LRRC49: variants seen among roughly 807,000 people sequenced by gnomAD.
LRRC49 encodes leucine-rich repeat-containing protein 49.
A neutral mutation model predicts 83.3 loss-of-function variants in LRRC49; 50 were observed. The ratio of observed to expected loss-of-function variants is 0.60; its 90% CI spans 0.48 to 0.76. LRRC49 has a LOEUF of 0.76. Ranked by LOEUF, LRRC49 falls within the 30% of genes least tolerant of loss-of-function variation. LRRC49 has a pLI of 0.00. For synonymous variants in LRRC49, 286 were observed against 283.3 expected, an observed-to-expected ratio of 1.01 and a Z score of -0.10; for missense variants, 704 against 809.1, an observed-to-expected ratio of 0.87 and a Z score of 1.58.
chr15:70,948,928 C>T (rs1454462063), intron 8 of LRRC49, among the ~76,000 whole-genome samples: 1 of 152,102 alleles, frequency 6.6e-6, no homozygotes, highest in African/African-American at 2.4e-5. Context: ...GCCAGTTGGT[C>T]TCTGTTTCAA....
In LRRC49 at chr15:70,904,556, A is replaced by C. The variant is rs1277164380; in HGVS notation, c.301A>C (p.Lys101Gln). Residue 101 changes from lysine to glutamine, a missense_variant, in exon 5 of 16, where the codon AAG becomes CAG. Physicochemically the swap from Lys to Gln is moderately conservative, Grantham distance 53 (BLOSUM62 1). Transcript: ENST00000260382. The stretch of plus-strand genomic sequence containing the variant: ...ACTTTTTAACATTTTTTCTAGACAA[A>C]AGCTGACCGTATGTCCTATCATCAA... ...YSDRLSLERQ[K>Q]LTVCPIINGE... is the part of the protein sequence containing the mutation. 2.5e-6 allele frequency: 4 copies of C among 1,610,448 alleles called. No homozygotes were observed. The South Asian group carries it at 4.4e-5, about 18-fold the overall frequency.
At chr15:70,903,504 A>G (rs554676445) in intron 4 of LRRC49, among the ~76,000 whole-genome samples, 2 of 152,116 alleles carry the variant, frequency 1.3e-5, no homozygotes, top group Non-Finnish European at 2.9e-5. Context: ...AGCCATTAAC[A>G]TTCAGTTATT....
At chr15:70,950,150 TTA>T (rs2036165929) in intron 8 of LRRC49, among the ~76,000 whole-genome samples, 1 of 152,206 alleles carries the variant, frequency 6.6e-6, no homozygotes, top group Non-Finnish European at 1.5e-5. Flanking sequence ...TCATTATTTT[TTA>T]TGTCTGTGTA....
chr15:70,987,859 G>A (rs1386142266), intron 11 of LRRC49, among the ~76,000 whole-genome samples: 1 of 152,136 alleles, frequency 6.6e-6, no homozygotes, highest in Non-Finnish European at 1.5e-5. Context: ...TGGTTTCAAA[G>A]AACATCTTTA....
intron 8 of LRRC49, among the ~76,000 whole-genome samples, chr15:70,955,212 G>C (rs984135299): frequency 1.3e-5 from 2 of 152,122 alleles, no homozygotes; most frequent in Admixed American, 6.5e-5. Flanking sequence ...TATTTTTACT[G>C]TTATTTTAGA....
At chr15:70,914,530 ATGG>A (rs1443416384) in intron 6 of LRRC49, among the ~76,000 whole-genome samples, 1 of 152,184 alleles carries the variant, frequency 6.6e-6, no homozygotes, top group Non-Finnish European at 1.5e-5. Context: ...GCGAGAAGTG[ATGG>A]TGGCATGAAC....
intron 2 of LRRC49, among the ~76,000 whole-genome samples, chr15:70,876,919 C>G (rs531585693): frequency 1.4e-4 from 22 of 152,318 alleles, no homozygotes; most frequent in African/African-American, 4.8e-4. Flanking sequence ...AAAGGCCATT[C>G]CGCTTGTTCT....
chr15:70,953,998 G>A (rs533351323), intron 8 of LRRC49, among the ~76,000 whole-genome samples: 66 of 152,040 alleles, frequency 4.3e-4, no homozygotes, highest in Middle Eastern at 3.4e-3. Context: ...GGGTTCAAGC[G>A]ATTCTCCAGC....
chr15:70,923,968 G>A (rs1032720273), intron 7 of LRRC49, among the ~76,000 whole-genome samples: 23 of 151,716 alleles, frequency 1.5e-4, no homozygotes, highest in African/African-American at 5.6e-4. Flanking sequence ...TTGATATGAT[G>A]CCATTTATCT....
At chr15:71,039,832 C>G (rs185197335) in intron 15 of LRRC49, among the ~76,000 whole-genome samples, 1 of 152,142 alleles carries the variant, frequency 6.6e-6, no homozygotes, top group African/African-American at 2.4e-5. Flanking sequence ...ACAGTAAAAT[C>G]TACCAACTTT....
intron 5 of LRRC49, among the ~76,000 whole-genome samples, chr15:70,906,952 A>G (rs775404005): frequency 1.4e-4 from 21 of 152,254 alleles, no homozygotes; most frequent in Non-Finnish European, 2.9e-4. Flanking sequence ...ATGAGTCAGA[A>G]GAAAACTTTC....
chr15:70,960,062 G>T lies in LRRC49; in HGVS notation c.774-3723G>T, dbSNP rs562299620. On this transcript the variant is annotated intron_variant, in intron 8 of 15. Coordinates refer to ENST00000260382, the MANE Select transcript of LRRC49 (RefSeq NM_017691.5). ...TTTTAAAGTCTAGTTGCTAAATTAG[G>T]ATGGAAGCTTGCCTCTGTGGATGTA... 4.6e-5 allele frequency among the ~76,000 whole-genome samples: 7 copies of T among 152,316 alleles called. No individual in the cohort carries two copies. The South Asian group carries it at 1.4e-3, about 32-fold the overall frequency.
intron 1 of LRRC49, among the ~76,000 whole-genome samples, chr15:70,862,138 G>A (rs1243863742): frequency 3.9e-5 from 6 of 152,166 alleles, no homozygotes; most frequent in Admixed American, 3.3e-4. Context: ...CCGGCCTGAA[G>A]GGCGAGCCCA....
intron 10 of LRRC49, among the ~76,000 whole-genome samples, chr15:70,981,260 T>A (rs1596094651): frequency 1.3e-5 from 2 of 148,322 alleles, no homozygotes; most frequent in Admixed American, 1.4e-4. Flanking sequence ...AACCAAACAC[T>A]GCATGTTCTT....
intron 7 of LRRC49, among the ~76,000 whole-genome samples, chr15:70,923,229 T>C (rs1360666090): frequency 2.0e-5 from 3 of 152,034 alleles, no homozygotes; most frequent in African/African-American, 7.2e-5. Flanking sequence ...CTAGTTTAAT[T>C]GCATTGTGAC....
chr15:71,008,673 T>C (rs2038547696), intron 12 of LRRC49, 57 bp downstream of exon 12: 4 of 1,283,156 alleles, frequency 3.1e-6, no homozygotes, highest in African/African-American at 1.5e-5. Flanking sequence ...ACTTGTGTGT[T>C]CAGGCCAAAG....
chr15:70,949,062 A>G (rs750420360), intron 8 of LRRC49, among the ~76,000 whole-genome samples: 6 of 152,168 alleles, frequency 3.9e-5, no homozygotes, highest in Non-Finnish European at 7.4e-5. Context: ...TCATTTTCAC[A>G]TATGACATAT....
intron 6 of LRRC49, among the ~76,000 whole-genome samples, chr15:70,912,461 C>T (rs536396062): frequency 1.3e-5 from 2 of 152,032 alleles, no homozygotes; most frequent in Non-Finnish European, 2.9e-5. Flanking sequence ...AGTTTGTACT[C>T]GTACCACTAA....
chr15:70,919,843 G>T (rs541700303), intron 7 of LRRC49, among the ~76,000 whole-genome samples: 1 of 152,144 alleles, frequency 6.6e-6, no homozygotes, highest in South Asian at 2.1e-4. Context: ...TGGCATGTGA[G>T]CAGGAGGAAA....
Sources: gnomAD v4.1 joint callset for allele counts (sites outside exome capture counted in the v4.1 genomes callset) on GRCh38, gnomAD v4.1.1 for gene constraint, MANE v1.5 for transcripts, NCBI Gene and HGNC (gene_info 2026-07-23, HGNC 2026-07-21) for gene names.